Variants in DGKB observed in about 807,000 individuals in gnomAD.
The protein encoded by DGKB is 90 kDa diacylglycerol kinase.
A neutral mutation model predicts 114.3 loss-of-function variants in DGKB; 67 were observed. That is an observed-to-expected ratio of 0.59 (90% confidence interval 0.48 to 0.72). The LOEUF (loss-of-function observed/expected upper bound fraction) is 0.72, where lower values mean the gene tolerates loss of function less well. DGKB is among the 30% of genes least tolerant of loss of function. DGKB has a pLI of 0.00. For synonymous variants in DGKB, 398 were observed against 323.1 expected (o/e 1.23, Z -2.49); for missense variants, 907 against 975.2 (o/e 0.93, Z 0.93).
intron 21 of DGKB, among the ~76,000 whole-genome samples, chr7:14,348,561 G>A (rs1453916129): frequency 6.6e-6 from 1 of 151,576 alleles, no homozygotes; most frequent in Non-Finnish European, 1.5e-5. Context: ...AAACCACAAT[G>A]AGATATCACC....
At chr7:14,298,137 A>T (rs1172404397) in intron 23 of DGKB, among the ~76,000 whole-genome samples, 2 of 152,218 alleles carry the variant, frequency 1.3e-5, no homozygotes, top group Non-Finnish European at 2.9e-5. Flanking sequence ...TGCCCAAAGT[A>T]ATTTATGGAT....
intron 6 of DGKB, among the ~76,000 whole-genome samples, chr7:14,714,230 G>T (rs533988965): frequency 6.6e-6 from 1 of 152,112 alleles, no homozygotes; most frequent in South Asian, 2.1e-4. Context: ...ATACACTGTG[G>T]GGAGGCAGGG....
chr7:14,201,707 C>A (rs958392395), intron 23 of DGKB, among the ~76,000 whole-genome samples: 1 of 151,866 alleles, frequency 6.6e-6, no homozygotes, highest in Non-Finnish European at 1.5e-5. Flanking sequence ...TGTGGGACAT[C>A]CACATGGAGC....
At chr7:14,396,284 T>C (rs1466026009) in intron 21 of DGKB, among the ~76,000 whole-genome samples, 2 of 152,140 alleles carry the variant, frequency 1.3e-5, no homozygotes, top group African/African-American at 2.4e-5. Flanking sequence ...TAAAGTAGCA[T>C]ATCTTGTAAG....
chr7:14,762,276 T>C (rs1835817151), intron 2 of DGKB, among the ~76,000 whole-genome samples: 1 of 152,122 alleles, frequency 6.6e-6, no homozygotes, highest in Non-Finnish European at 1.5e-5. Context: ...CTTTCTCCTA[T>C]ACTTTACCTT....
intron 23 of DGKB, among the ~76,000 whole-genome samples, chr7:14,265,318 C>CGTTTTTTTTTTTTTTTTT (rs1797331364): frequency 1.5e-5 from 1 of 67,752 alleles, no homozygotes; most frequent in Non-Finnish European, 2.5e-5. Context: ...CTCTTGCATT[C>CGTTTTTTTTTTTTTTTTT]TTTTTTTTTT....
intron 25 of DGKB, among the ~76,000 whole-genome samples, chr7:14,169,914 C>G (rs1780598880): frequency 1.3e-5 from 2 of 151,930 alleles, no homozygotes; most frequent in South Asian, 4.2e-4. Context: ...GTGGGTGGAT[C>G]ACCTGAGGTT....
At chr7:14,457,310 C>A (rs988162709) in intron 21 of DGKB, among the ~76,000 whole-genome samples, 1 of 152,074 alleles carries the variant, frequency 6.6e-6, no homozygotes, top group African/African-American at 2.4e-5. Flanking sequence ...AGAGCTGGCA[C>A]ATGCTAAAAC....
At chr7:14,842,987 G>A (rs1056408629) in intron 1 of DGKB, among the ~76,000 whole-genome samples, 1 of 152,096 alleles carries the variant, frequency 6.6e-6, no homozygotes, top group African/African-American at 2.4e-5. Flanking sequence ...GCAGGAGGAT[G>A]GAATGAGCCC....
intron 17 of DGKB, among the ~76,000 whole-genome samples, chr7:14,599,247 T>G (rs1803118459): frequency 6.6e-6 from 1 of 152,128 alleles, no homozygotes; most frequent in Non-Finnish European, 1.5e-5. Flanking sequence ...AATGCTAAAT[T>G]GGGCCAGATG....
At chr7:14,229,360 A>G (rs191681660) in intron 23 of DGKB, among the ~76,000 whole-genome samples, 1 of 152,128 alleles carries the variant, frequency 6.6e-6, no homozygotes, top group East Asian at 1.9e-4. Flanking sequence ...ACAAACCTGT[A>G]TAGCATGTTA....
chr7:14,944,052 A>C (rs1179878475), intron 1 of DGKB, among the ~76,000 whole-genome samples: 1 of 151,896 alleles, frequency 6.6e-6, no homozygotes, highest in African/African-American at 2.4e-5. Flanking sequence ...AAAGCTCATC[A>C]TCGATCCCAT....
intron 1 of DGKB, among the ~76,000 whole-genome samples, chr7:14,965,984 AT>A (rs1252895727): frequency 2.0e-5 from 3 of 152,008 alleles, no homozygotes; most frequent in Non-Finnish European, 4.4e-5. Context: ...CTGGTTGGAG[AT>A]TTTTTTCTTT....
chr7:14,686,792 G>C (rs556988569), intron 9 of DGKB, among the ~76,000 whole-genome samples: 3 of 151,902 alleles, frequency 2.0e-5, no homozygotes, highest in Non-Finnish European at 4.4e-5. Context: ...GATAATTCTT[G>C]GTGGGTCTCT....
chr7:14,860,797 C>G (rs990092159), intron 1 of DGKB, among the ~76,000 whole-genome samples: 1 of 151,676 alleles, frequency 6.6e-6, no homozygotes, highest in South Asian at 2.1e-4. Flanking sequence ...TTCAGGGGGT[C>G]TTTGAACAAC....
At chr7:14,886,243 C>G (rs1352255214) in intron 1 of DGKB, among the ~76,000 whole-genome samples, 1 of 151,702 alleles carries the variant, frequency 6.6e-6, no homozygotes, top group East Asian at 1.9e-4. Flanking sequence ...TGGGAGGTTA[C>G]TAGAAAGAGG....
At chr7:14,399,017 G>C (rs1822682549) in intron 21 of DGKB, among the ~76,000 whole-genome samples, 1 of 151,834 alleles carries the variant, frequency 6.6e-6, no homozygotes, top group Admixed American at 6.6e-5. Flanking sequence ...AGAAAGTATA[G>C]TGAAATTAGT....
intron 20 of DGKB, among the ~76,000 whole-genome samples, chr7:14,538,961 T>C (rs1350403560): frequency 6.6e-6 from 1 of 152,134 alleles, no homozygotes; most frequent in African/African-American, 2.4e-5. Context: ...AAATGGTAGT[T>C]ACCAAGCAAC....
At chr7:14,562,760 T>A (rs79792400) in intron 20 of DGKB, among the ~76,000 whole-genome samples, 12 of 152,164 alleles carry the variant, frequency 7.9e-5, no homozygotes, top group African/African-American at 2.7e-4. Context: ...TGCCTTTGAT[T>A]TTACAGGCTC....
Sources: gnomAD v4.1 joint callset for allele counts (sites outside exome capture counted in the v4.1 genomes callset) on GRCh38, gnomAD v4.1.1 for gene constraint, MANE v1.5 for transcripts, NCBI Gene and HGNC (gene_info 2026-07-23, HGNC 2026-07-21) for gene names.